The following NKAIN2 variants were observed in gnomAD, a reference collection of about 807,000 sequenced individuals.
The protein encoded by NKAIN2 is sodium/potassium transporting ATPase interacting 2.
Under a neutral mutation model 32.6 loss-of-function variants are expected in NKAIN2, and 14 were observed. That is an observed-to-expected ratio of 0.43 (90% CI 0.28 to 0.67). The LOEUF (loss-of-function observed/expected upper bound fraction) is 0.67, where lower values mean the gene tolerates loss of function less well. NKAIN2 is among the 30% of genes least tolerant of loss of function. The pLI is 0.17. For missense variants in NKAIN2, 198 were observed against 258.3 expected (o/e 0.77, Z 1.60); for synonymous variants, 80 against 87.2 (o/e 0.92, Z 0.46).
At chr6:124,621,755 A>G (rs1783114450) in intron 3 of NKAIN2, among the ~76,000 whole-genome samples, 1 of 152,266 alleles carries the variant, frequency 6.6e-6, no homozygotes, top group South Asian at 2.1e-4. Context: ...TGACAAATTT[A>G]ACTATCTCTA....
At chr6:123,962,839 G>A (rs951589442) in intron 1 of NKAIN2, among the ~76,000 whole-genome samples, 1 of 152,114 alleles carries the variant, frequency 6.6e-6, no homozygotes, top group Non-Finnish European at 1.5e-5. Context: ...TACAGCTTGC[G>A]CCTAGGCTTA....
chr6:124,118,298 A>T (rs1354894175), intron 1 of NKAIN2, among the ~76,000 whole-genome samples: 2 of 152,188 alleles, frequency 1.3e-5, no homozygotes, highest in Non-Finnish European at 2.9e-5. Context: ...AAATCGGAAT[A>T]AAAAGGAAAC....
At chr6:124,687,743 T>TAGAC (rs1554251784) in intron 4 of NKAIN2, among the ~76,000 whole-genome samples, 1 of 104,370 alleles carries the variant, frequency 9.6e-6, no homozygotes, top group African/African-American at 3.7e-5. Context: ...ATATGATATA[T>TAGAC]ACACACACAC....
intron 1 of NKAIN2, among the ~76,000 whole-genome samples, chr6:123,923,079 G>A (rs1775826147): frequency 6.6e-6 from 1 of 151,446 alleles, no homozygotes; most frequent in African/African-American, 2.4e-5. Context: ...TCTGTTACTG[G>A]GGCCTGTAAT....
At chr6:124,055,757 C>T (rs1362365812) in intron 1 of NKAIN2, among the ~76,000 whole-genome samples, 2 of 151,924 alleles carry the variant, frequency 1.3e-5, no homozygotes, top group Non-Finnish European at 2.9e-5. Context: ...AATCACTCTC[C>T]TAGTTGCCAG....
chr6:124,017,678 T>C (rs960616263), intron 1 of NKAIN2, among the ~76,000 whole-genome samples: 1 of 152,162 alleles, frequency 6.6e-6, no homozygotes, highest in African/African-American at 2.4e-5. Flanking sequence ...AATGATGTCC[T>C]TTGATTCCAT....
chr6:123,869,684 G>T (rs1458879224), intron 1 of NKAIN2, among the ~76,000 whole-genome samples: 2 of 152,116 alleles, frequency 1.3e-5, no homozygotes, highest in Non-Finnish European at 2.9e-5. Flanking sequence ...GAGAACATAT[G>T]TGTTTCTATT....
chr6:123,959,592 A>T (rs990527033), intron 1 of NKAIN2, among the ~76,000 whole-genome samples: 2 of 152,176 alleles, frequency 1.3e-5, no homozygotes, highest in Non-Finnish European at 2.9e-5. Flanking sequence ...GAAGAAATGG[A>T]TTCTCTATTG....
intron 3 of NKAIN2, among the ~76,000 whole-genome samples, chr6:124,645,537 A>G (rs977039543): frequency 7.2e-5 from 11 of 152,346 alleles, no homozygotes; most frequent in South Asian, 6.2e-4. Context: ...GTGCCTAATA[A>G]TAAGAAGACT....
At chr6:123,850,798 C>A (rs1360624394) in intron 1 of NKAIN2, among the ~76,000 whole-genome samples, 5 of 152,156 alleles carry the variant, frequency 3.3e-5, no homozygotes, top group Admixed American at 1.3e-4. Flanking sequence ...TAACTGTAGT[C>A]ACCATGTTGT....
At chr6:123,985,927 T>G (rs1414704313) in intron 1 of NKAIN2, among the ~76,000 whole-genome samples, 1 of 152,194 alleles carries the variant, frequency 6.6e-6, no homozygotes, top group Non-Finnish European at 1.5e-5. Flanking sequence ...ATGTAATGTA[T>G]TCAAGAACTG....
intron 3 of NKAIN2, among the ~76,000 whole-genome samples, chr6:124,657,547 T>C (rs1344749777): frequency 1.3e-5 from 2 of 152,092 alleles, no homozygotes; most frequent in African/African-American, 4.8e-5. Flanking sequence ...TTGATAATAA[T>C]ATTTCCTAAA....
intron 1 of NKAIN2, among the ~76,000 whole-genome samples, chr6:124,196,451 A>G (rs1263933446): frequency 2.0e-5 from 3 of 152,092 alleles, no homozygotes; most frequent in Non-Finnish European, 2.9e-5. Context: ...AGTAAATCAT[A>G]TAGTAAATTA....
chr6:124,670,113 A>C (rs1562315816), intron 4 of NKAIN2, among the ~76,000 whole-genome samples: 1 of 152,106 alleles, frequency 6.6e-6, no homozygotes, highest in African/African-American at 2.4e-5. Flanking sequence ...AAAATAATCC[A>C]AATGCATTAC....
intron 1 of NKAIN2, among the ~76,000 whole-genome samples, chr6:123,963,358 G>T (rs1039635238): frequency 6.6e-6 from 1 of 152,154 alleles, no homozygotes; most frequent in Non-Finnish European, 1.5e-5. Context: ...AATGAGTGAT[G>T]ATTCCACCTC....
chr6:124,060,781 T>TA (rs1290175563), intron 1 of NKAIN2, among the ~76,000 whole-genome samples: 1 of 152,082 alleles, frequency 6.6e-6, no homozygotes, highest in East Asian at 1.9e-4. Context: ...GGTACAGCTT[T>TA]AAAAAATATA....
At position 124,773,412 on chromosome 6, in the gene NKAIN2, T is replaced by C. The variant is rs546550399; in HGVS notation, c.475-17927T>C. 7.2e-4 allele frequency among the ~76,000 whole-genome samples: 110 copies of C among 152,090 alleles called. 1 individual carries two copies. The highest frequency in any genetic ancestry group is 3.4e-3 in the Middle Eastern group (1 of 294). ...GAAAGGAATGGTAGAATGGGAAAAC[T>C]GAGGTAATTGAAGAAAAGAAACAGA... On this transcript the variant is annotated intron_variant, in intron 4 of 6. Coordinates refer to ENST00000368417, the MANE Select transcript of NKAIN2 (RefSeq NM_001040214.3).
chr6:124,026,580 T>C (rs1017052199), intron 1 of NKAIN2, among the ~76,000 whole-genome samples: 1 of 152,168 alleles, frequency 6.6e-6, no homozygotes, highest in South Asian at 2.1e-4. Context: ...ATGACACTAC[T>C]CCCCTCTCCT....
intron 1 of NKAIN2, among the ~76,000 whole-genome samples, chr6:124,000,319 A>G (rs1296071314): frequency 6.6e-6 from 1 of 152,120 alleles, no homozygotes; most frequent in Admixed American, 6.5e-5. Flanking sequence ...ATGAATGCAA[A>G]TGAGCCCAAA....
Sources: allele counts gnomAD v4.1 joint callset (sites outside exome capture counted in the v4.1 genomes callset), GRCh38; gene constraint gnomAD v4.1.1; transcripts MANE v1.5; gene names NCBI Gene and HGNC (gene_info 2026-07-23, HGNC 2026-07-21).